ETV6: variants seen among roughly 807,000 people sequenced by gnomAD.
ETV6 encodes ETS variant transcription factor 6, also known as transcription factor ETV6.
ETV6 carries 16 observed loss-of-function variants against 51.1 expected under a neutral mutation model. That is an observed-to-expected ratio of 0.31 (90% CI 0.21 to 0.48). The LOEUF (loss-of-function observed/expected upper bound fraction) is 0.48. ETV6 is among the 20% of genes least tolerant of loss of function. The probability of loss-of-function intolerance (pLI) is 0.99; values close to 1 mark genes in which losing one functional copy is unlikely to be tolerated. For synonymous variants in ETV6, 240 were observed against 224.1 expected, an observed-to-expected ratio of 1.07 and a Z score of -0.64; for missense variants, 458 against 594.8, an observed-to-expected ratio of 0.77 and a Z score of 2.39.
chr12:11,874,278 G>T (rs189877036), intron 5 of ETV6, among the ~76,000 whole-genome samples: 1 of 151,990 alleles, frequency 6.6e-6, no homozygotes, highest in African/African-American at 2.4e-5. Flanking sequence ...CGAGGAGGCT[G>T]AGGTGGGAGA....
chr12:11,712,110 C>T (rs1865185510), intron 1 of ETV6, among the ~76,000 whole-genome samples: 2 of 152,118 alleles, frequency 1.3e-5, no homozygotes, highest in African/African-American at 4.8e-5. Context: ...GACGTTTGAA[C>T]CCTCGTAAAC....
intron 3 of ETV6, among the ~76,000 whole-genome samples, chr12:11,848,742 G>A (rs1946503968): frequency 2.0e-5 from 3 of 152,218 alleles, no homozygotes; most frequent in East Asian, 1.9e-4. Context: ...GAAGGGCCCC[G>A]AAGCTCACTA....
At chr12:11,741,575 G>T (rs144353795) in intron 1 of ETV6, among the ~76,000 whole-genome samples, 4 of 152,216 alleles carry the variant, frequency 2.6e-5, no homozygotes, top group African/African-American at 9.6e-5. Flanking sequence ...GTGGACATGG[G>T]GGGAGCTGCA....
intron 2 of ETV6, among the ~76,000 whole-genome samples, chr12:11,776,036 A>G (rs1271805297): frequency 6.6e-6 from 1 of 152,214 alleles, no homozygotes; most frequent in Non-Finnish European, 1.5e-5. Flanking sequence ...ATTGTGCTTG[A>G]TGGTGATTAT....
intron 1 of ETV6, among the ~76,000 whole-genome samples, chr12:11,739,728 G>C (rs138404158): frequency 6.6e-6 from 1 of 152,122 alleles, no homozygotes; most frequent in Non-Finnish European, 1.5e-5. Context: ...TGGCCACATT[G>C]AGTTAGGTGT....
intron 1 of ETV6, among the ~76,000 whole-genome samples, chr12:11,684,125 G>T (rs1251883510): frequency 6.6e-6 from 1 of 152,196 alleles, no homozygotes; most frequent in African/African-American, 2.4e-5. Context: ...GGAATTTCAG[G>T]AACAATGTGG....
chr12:11,665,110 T>C (rs1191868421), intron 1 of ETV6, among the ~76,000 whole-genome samples: 1 of 152,142 alleles, frequency 6.6e-6, no homozygotes, highest in Non-Finnish European at 1.5e-5. Flanking sequence ...TGGGCTCAGG[T>C]GATTCTCCCA....
At chr12:11,690,080 CTG>C (rs571956290) in intron 1 of ETV6, among the ~76,000 whole-genome samples, 24 of 152,138 alleles carry the variant, frequency 1.6e-4, no homozygotes, top group Non-Finnish European at 2.9e-4. Flanking sequence ...GCTGAGGTAA[CTG>C]AAGTGCATCT....
At chr12:11,743,143 A>G (rs888654551) in intron 1 of ETV6, among the ~76,000 whole-genome samples, 1 of 152,148 alleles carries the variant, frequency 6.6e-6, no homozygotes, top group Non-Finnish European at 1.5e-5. Flanking sequence ...GTGACGACAA[A>G]GGCTGGGTAT....
chr12:11,850,180 T>C (rs1946529027), intron 3 of ETV6, among the ~76,000 whole-genome samples: 2 of 152,004 alleles, frequency 1.3e-5, no homozygotes, highest in Admixed American at 1.3e-4. Flanking sequence ...ACTGGCCGAG[T>C]CCACTTGACC....
At chr12:11,768,967 A>G (rs1281913080) in intron 2 of ETV6, 1 of 481,650 alleles carries the variant, frequency 2.1e-6, no homozygotes, top group East Asian at 5.8e-5. Flanking sequence ...TGTTCTGTTT[A>G]ACAAGGATTG....
chr12:11,857,154 T>G (rs1946643742), intron 4 of ETV6, among the ~76,000 whole-genome samples: 1 of 152,258 alleles, frequency 6.6e-6, no homozygotes, highest in Non-Finnish European at 1.5e-5. Context: ...CAGACATTCA[T>G]AATTTCACAA....
chr12:11,884,348 A>T (rs1947154878), intron 5 of ETV6, 97 bp from the exon 6 acceptor site: 1 of 1,349,752 alleles, frequency 7.4e-7, no homozygotes, highest in Non-Finnish European at 1.0e-6. Flanking sequence ...AACCCAAGCT[A>T]GGCAGAAGCA....
In ETV6 at chr12:11,870,021, C is replaced by T. The variant is rs746457182; in HGVS notation, c.1009+52C>T. 1.9e-6 allele frequency: 3 copies of T among 1,544,374 alleles called. No homozygotes were observed. In the African/African-American group the frequency reaches 4.1e-5, roughly 21 times the overall value. The stretch of plus-strand genomic sequence containing the variant: ...CAGCATCATGGGGACCTGACAAAGT[C>T]CCACTCTCCCCTGTGATCTTTGCAG... On this transcript the variant is annotated intron_variant, in intron 5 of 7. Transcript: ENST00000396373.
intron 2 of ETV6, among the ~76,000 whole-genome samples, chr12:11,781,969 T>C (rs1438523937): frequency 6.6e-6 from 1 of 152,192 alleles, no homozygotes; most frequent in Non-Finnish European, 1.5e-5. Context: ...AAAGTTAACT[T>C]TATAGTTAAC....
intron 2 of ETV6, among the ~76,000 whole-genome samples, chr12:11,807,015 C>T (rs1945838672): frequency 6.6e-6 from 1 of 152,238 alleles, no homozygotes; most frequent in Non-Finnish European, 1.5e-5. Flanking sequence ...AGAATTGTCA[C>T]ATTGAAGATT....
chr12:11,888,745 C>T (rs1052138580), intron 7 of ETV6, among the ~76,000 whole-genome samples: 1 of 152,180 alleles, frequency 6.6e-6, no homozygotes, highest in Non-Finnish European at 1.5e-5. Context: ...CTCTGTTGCC[C>T]AGGCTAGAGT....
At chr12:11,777,825 T>C (rs1945353255) in intron 2 of ETV6, among the ~76,000 whole-genome samples, 1 of 150,264 alleles carries the variant, frequency 6.7e-6, no homozygotes, top group Admixed American at 6.6e-5. Flanking sequence ...GTTTAAGCCA[T>C]TTATTCATGC....
intron 1 of ETV6, among the ~76,000 whole-genome samples, chr12:11,697,576 T>C (rs1864899944): frequency 1.3e-5 from 2 of 152,222 alleles, no homozygotes; most frequent in African/African-American, 4.8e-5. Context: ...TTCCTAATTC[T>C]GTGAAAAATG....
Sources: gnomAD v4.1 joint callset for allele counts (sites outside exome capture counted in the v4.1 genomes callset) on GRCh38, gnomAD v4.1.1 for gene constraint, MANE v1.5 for transcripts, NCBI Gene and HGNC (gene_info 2026-07-23, HGNC 2026-07-21) for gene names.